The following DDX43 variants were observed in gnomAD, a reference collection of about 807,000 sequenced individuals.
DDX43 encodes DEAD-box helicase 43.
DDX43 carries 50 observed loss-of-function variants against 84.9 expected under a neutral mutation model. The ratio of observed to expected loss-of-function variants is 0.59; its 90% CI spans 0.47 to 0.75. The LOEUF (loss-of-function observed/expected upper bound fraction) is 0.75. Ranked by LOEUF, DDX43 falls within the 30% of genes least tolerant of loss-of-function variation. The pLI is 0.00. For synonymous variants in DDX43, 291 were observed against 266.3 expected (o/e 1.09, Z -0.90); for missense variants, 689 against 798.6 (o/e 0.86, Z 1.65).
intron 10 of DDX43, among the ~76,000 whole-genome samples, chr6:73,409,860 G>A (rs547294157): frequency 6.6e-5 from 10 of 152,004 alleles, no homozygotes; most frequent in African/African-American, 1.4e-4. Context: ...GTGAAACCTC[G>A]TCTCTACTAA....
chr6:73,398,069 C>G (rs757304217), intron 2 of DDX43: 14 of 192,124 alleles, frequency 7.3e-5, no homozygotes, highest in Non-Finnish European at 1.4e-4. Context: ...CCTTGGCCTC[C>G]CAAAGTGTTG....
chr6:73,414,731 C>G (rs762554613), intron 14 of DDX43, 45 bp downstream of exon 14: 19 of 1,530,688 alleles, frequency 1.2e-5, no homozygotes, highest in Non-Finnish European at 1.6e-5. Context: ...TCTAGATTCT[C>G]CTTATTCCTC....
chr6:73,401,491 C>T (rs1365663499), intron 3 of DDX43, among the ~76,000 whole-genome samples: 1 of 152,102 alleles, frequency 6.6e-6, no homozygotes, highest in Non-Finnish European at 1.5e-5. Flanking sequence ...ATATTTTAAG[C>T]ATTGTCTGTT....
chr6:73,397,319 C>T (rs534108363), intron 1 of DDX43, among the ~76,000 whole-genome samples: 8 of 152,174 alleles, frequency 5.3e-5, no homozygotes, highest in Non-Finnish European at 8.8e-5. Context: ...ACATCTCATG[C>T]CTGTTGGCCA....
intron 15 of DDX43, 64 bp from the exon 16 acceptor site, chr6:73,416,049 G>A: frequency 1.2e-6 from 1 of 834,246 alleles, no homozygotes; most frequent in Non-Finnish European, 2.1e-6. Context: ...AAATGATTTG[G>A]ATGCATTTTA....
intron 3 of DDX43, 139 bp downstream of exon 3, chr6:73,400,502 A>G (rs1268160498): frequency 1.1e-5 from 8 of 707,764 alleles, no homozygotes; most frequent in Non-Finnish European, 1.2e-5. Context: ...TTTACTATGA[A>G]TGAAAGCCCA....
At chr6:73,414,731 CCTT>C (rs373252228) in intron 14 of DDX43, 45 bp downstream of exon 14, 934 of 1,530,680 alleles carry the variant, frequency 6.1e-4, no homozygotes, top group Non-Finnish European at 7.7e-4. Context: ...TCTAGATTCT[CCTT>C]ATTCCTCTCA....
intron 1 of DDX43, 116 bp downstream of exon 1, chr6:73,395,271 G>A: frequency 7.7e-7 from 1 of 1,292,448 alleles, no homozygotes; most frequent in South Asian, 1.5e-5. Context: ...GTGAGGTTCA[G>A]GTCTCTCCCA....
intron 10 of DDX43, 68 bp from the exon 11 acceptor site, chr6:73,412,137 A>C: frequency 7.4e-7 from 1 of 1,356,686 alleles, no homozygotes; most frequent in Non-Finnish European, 1.0e-6. Flanking sequence ...CTTGGTTCAT[A>C]GCATGCTTAA....
Position 73,402,389 on chromosome 6 carries a change from A to G in DDX43, c.568+399A>G, listed in dbSNP as rs558951526. On this transcript the variant is annotated intron_variant, in intron 4 of 16. Coordinates refer to ENST00000370336, the MANE Select transcript of DDX43 (RefSeq NM_018665.3). ...GGAAAGCCATTAAATCATAAGAAGC[A>G]TTACAGTTCTTGGCAGCATTTTGTT... Among the ~76,000 whole-genome samples the G allele has an allele frequency of 3.3e-5, 5 of 152,276 alleles. No individual in the cohort carries two copies. The East Asian group carries it at 5.8e-4, about 18-fold the overall frequency.
At chr6:73,398,875 C>T (rs1376361826) in intron 2 of DDX43, among the ~76,000 whole-genome samples, 2 of 152,184 alleles carry the variant, frequency 1.3e-5, no homozygotes, top group East Asian at 1.9e-4. Context: ...TTTGCCTTCC[C>T]CACTAACTGT....
chr6:73,405,716 G>T lies in DDX43; in HGVS notation c.688G>T (p.Asp230Tyr). 6.2e-7 allele frequency: 1 copy of T among 1,614,090 alleles called. No individual in the cohort carries two copies. Among genetic ancestry groups the T allele is most frequent in the South Asian group, 1.1e-5 (1 of 91,072 alleles). The change falls in exon 6 of 17, where the codon GAT becomes TAT. Residue 230 changes from aspartate to tyrosine, a missense_variant. Asp to Tyr is a radical substitution (Grantham distance 160). Around this residue, in one of 2 missense-constraint regions of DDX43, gnomAD observed 552 missense variants for 692.7 expected, o/e 0.80. Coordinates refer to ENST00000370336, the MANE Select transcript of DDX43 (RefSeq NM_018665.3). The part of the protein sequence containing the change: ...NFNITWDDLK[D>Y]GEKRPIPNPT... ...TAATATAACGTGGGATGACTTGAAG[G>T]ATGGGGAGAAACGACCTATCCCCAA...
chr6:73,401,340 T>A (rs569778204), intron 3 of DDX43, among the ~76,000 whole-genome samples: 3 of 152,304 alleles, frequency 2.0e-5, no homozygotes, highest in Non-Finnish European at 4.4e-5. Flanking sequence ...GACTGAGTAA[T>A]GGGTATGACA....
chr6:73,414,180 C>A, intron 13 of DDX43, 101 bp downstream of exon 13: 1 of 700,810 alleles, frequency 1.4e-6, no homozygotes, highest in Non-Finnish European at 2.5e-6. Flanking sequence ...TTTCTAAGAT[C>A]TGTCCTCACC....
rs772771709 is a variant in DDX43 at position 73,394,863 on chromosome 6, G to C, written c.-43G>C. ...TACGACGTCACGGTCAGGTGGTGCA[G>C]AGCTGGACGGCAACGACGTCGGACG... On this transcript the variant is annotated 5_prime_UTR_variant, in exon 1 of 17. Coordinates refer to ENST00000370336, the MANE Select transcript of DDX43 (RefSeq NM_018665.3). 1.2e-6 allele frequency: 2 copies of C among 1,604,702 alleles called. No individual in the cohort carries two copies. Among genetic ancestry groups the C allele is most frequent in the East Asian group, 2.2e-5 (1 of 44,836 alleles).
At chr6:73,407,245 G>A (rs999075204) in intron 7 of DDX43, among the ~76,000 whole-genome samples, 1 of 152,116 alleles carries the variant, frequency 6.6e-6, no homozygotes, top group Non-Finnish European at 1.5e-5. Context: ...AGCCTCCCAA[G>A]TAGCTGGGAT....
intron 9 of DDX43, among the ~76,000 whole-genome samples, 195 bp from the exon 10 acceptor site, chr6:73,409,053 C>A (rs188690842): frequency 2.2e-3 from 330 of 152,288 alleles, no homozygotes; most frequent in Middle Eastern, 3.4e-3. Flanking sequence ...TATTGGAAAG[C>A]CAACAAAAAT....
intron 1 of DDX43, among the ~76,000 whole-genome samples, chr6:73,395,421 A>G (rs921287995): frequency 6.6e-6 from 1 of 152,252 alleles, no homozygotes; most frequent in South Asian, 2.1e-4. Flanking sequence ...CTTGGCCAAC[A>G]TGGCAAAACC....
chr6:73,413,924 C>A, intron 12 of DDX43, 46 bp from the exon 13 acceptor site: 1 of 1,529,840 alleles, frequency 6.5e-7, no homozygotes, highest in Non-Finnish European at 9.0e-7. Flanking sequence ...AAACTGGTGG[C>A]ATTAGAATAA....
Sources: allele counts gnomAD v4.1 joint callset (sites outside exome capture counted in the v4.1 genomes callset), GRCh38; gene constraint gnomAD v4.1.1; regional missense constraint gnomAD v4.1.1; transcripts MANE v1.5; gene names NCBI Gene and HGNC (gene_info 2026-07-23, HGNC 2026-07-21).